PTPN1: variants seen among roughly 807,000 people sequenced by gnomAD.
The protein encoded by PTPN1 is protein tyrosine phosphatase non-receptor type 1, also known as tyrosine-protein phosphatase non-receptor type 1.
PTPN1 carries 12 observed loss-of-function variants against 59.9 expected under a neutral mutation model. The observed-to-expected ratio is 0.20, with a 90% CI of 0.13 to 0.32. The LOEUF (loss-of-function observed/expected upper bound fraction) is 0.32, where lower values mean the gene tolerates loss of function less well. Ranked by LOEUF, PTPN1 falls within the 10% of genes least tolerant of loss-of-function variation. The pLI is 1.00. For missense variants in PTPN1, 356 were observed against 549.2 expected (o/e 0.65, Z 3.52); for synonymous variants, 178 against 203.6 (o/e 0.87, Z 1.07).
intron 1 of PTPN1, among the ~76,000 whole-genome samples, chr20:50,543,919 C>T (rs767980472): frequency 5.9e-5 from 9 of 151,962 alleles, no homozygotes; most frequent in East Asian, 1.9e-4. Flanking sequence ...AATCTCGGCT[C>T]GCTACAACCT....
Position 50,583,928 on chromosome 20 carries a change from AAG to A in PTPN1, c.*1218_*1219del, listed in dbSNP as rs1466242125. 6.6e-6 allele frequency: 1 copy of A among 152,468 alleles called. No individual in the cohort carries two copies. The highest frequency in any genetic ancestry group is 2.4e-5 in the African/African-American group (1 of 41,402). 9.4% of individuals were successfully genotyped at this position (152,468 alleles called of 1,614,324 possible). ...TCTTCTTGAGCAGACCGTGATTTGGAAGAGAGGCACCTGCTGGAAACCACACT... is the reference window on the plus strand; with the variant it reads ...TCTTCTTGAGCAGACCGTGATTTGGAAGAGGCACCTGCTGGAAACCACACT... On this transcript the variant is annotated 3_prime_UTR_variant, in exon 10 of 10. Transcript: ENST00000371621.
intron 4 of PTPN1, among the ~76,000 whole-genome samples, chr20:50,570,317 TGGGGTTTTTTG>T (rs1199594774): frequency 6.6e-6 from 1 of 152,124 alleles, no homozygotes; most frequent in Non-Finnish European, 1.5e-5. Flanking sequence ...GTTTTGGGGT[TGGGGTTTTTTG>T]GGGGTTTTTT....
chr20:50,574,596 T>C lies in PTPN1; in HGVS notation c.434T>C (p.Ile145Thr), dbSNP rs2082826931. 2 of 1,607,802 alleles carry C rather than the reference T, an allele frequency of 1.2e-6. No individual in the cohort carries two copies. The highest frequency in any genetic ancestry group is 1.7e-6 in the Non-Finnish European group (2 of 1,178,050). ...GACACAAATTTGAAATTAACATTGA[T>C]CTCTGAAGATATCAAGTCATATTAT... The part of the protein sequence containing the change: ...FEDTNLKLTL[I>T]SEDIKSYYTV... Residue 145 changes from isoleucine (I) to threonine (T), a missense_variant, in exon 5 of 10, where the codon ATC becomes ACC. Coordinates refer to ENST00000371621, the MANE Select transcript of PTPN1 (RefSeq NM_002827.4).
chr20:50,518,652 T>C (rs2082538939), intron 1 of PTPN1, among the ~76,000 whole-genome samples: 1 of 152,166 alleles, frequency 6.6e-6, no homozygotes, highest in African/African-American at 2.4e-5. Context: ...ATTGTTTTGC[T>C]TTGTTGTTTT....
At chr20:50,524,157 T>A (rs1271008700) in intron 1 of PTPN1, among the ~76,000 whole-genome samples, 1 of 152,176 alleles carries the variant, frequency 6.6e-6, no homozygotes, top group Non-Finnish European at 1.5e-5. Context: ...GTGGAGGTTA[T>A]TCCATCATGG....
In PTPN1 at chr20:50,510,427, G is replaced by A. The variant is rs949141365; in HGVS notation, c.-101G>A. ...TAGGGCGGCGGTAGCTGCAGGGGTCGGGGATTGCAGCGGGCCTCGGGGCTA... is the reference window on the plus strand; with the variant it reads ...TAGGGCGGCGGTAGCTGCAGGGGTCAGGGATTGCAGCGGGCCTCGGGGCTA... On this transcript the variant is annotated 5_prime_UTR_variant, in exon 1 of 10. Coordinates refer to ENST00000371621, the MANE Select transcript of PTPN1 (RefSeq NM_002827.4). 7 of 1,327,044 alleles carry A rather than the reference G, an allele frequency of 5.3e-6. No individual in the cohort carries two copies. The highest frequency in any genetic ancestry group is 6.2e-6 in the Non-Finnish European group (6 of 967,226). 82.2% of individuals were successfully genotyped at this position (1,327,044 alleles called of 1,614,324 possible). A position where few individuals can be genotyped will look rare whatever the true frequency, so the allele number is the denominator to read the frequency against.
chr20:50,515,036 G>A (rs1292399206), intron 1 of PTPN1, among the ~76,000 whole-genome samples: 1 of 152,194 alleles, frequency 6.6e-6, no homozygotes, highest in Non-Finnish European at 1.5e-5. Context: ...AGAAATGAGT[G>A]AAGCCGGTTA....
chr20:50,579,921 C>T lies in PTPN1; in HGVS notation c.1083C>T (p.Ile361=), dbSNP rs370509709. ...CCTTAAATGCCGCACCCTACGGCAT[C>T]GAAAGGTAATATGATTGGGTCCCAG... is the stretch of plus-strand genomic sequence containing the variant. ...GSPLNAAPYG[I]ESMSQDTEVR... Residue 361 remains isoleucine (I), a synonymous_variant, in exon 8 of 10, where the codon ATC becomes ATT. Coordinates refer to ENST00000371621, the MANE Select transcript of PTPN1 (RefSeq NM_002827.4). 864 of 1,612,382 alleles carry T rather than the reference C, an allele frequency of 5.4e-4. No individual in the cohort carries two copies. The highest frequency in any genetic ancestry group is 6.8e-4 in the Non-Finnish European group (807 of 1,178,854).
intron 1 of PTPN1, among the ~76,000 whole-genome samples, chr20:50,538,221 A>AG (rs1411034208): frequency 8.4e-6 from 1 of 119,588 alleles, no homozygotes; most frequent in African/African-American, 4.0e-5. Context: ...TGTTGTAAAA[A>AG]GTTAAAAAAA....
chr20:50,580,221 C>A (rs184411000), intron 8 of PTPN1, among the ~76,000 whole-genome samples: 3 of 152,150 alleles, frequency 2.0e-5, no homozygotes, highest in Non-Finnish European at 4.4e-5. Context: ...TTTCTGCCCC[C>A]CCTGACGACA....
chr20:50,582,430 C>T lies in PTPN1; in HGVS notation c.1285-262C>T, dbSNP rs1051798503. Among the ~76,000 whole-genome samples, 13 of 152,222 alleles carry T rather than the reference C, an allele frequency of 8.5e-5. No individual in the cohort carries two copies. The highest frequency in any genetic ancestry group is 1.6e-4 in the Non-Finnish European group (11 of 68,034). On this transcript the variant is annotated intron_variant, in intron 9 of 9. Transcript: ENST00000371621. The surrounding 1 kb of genome is among the most constrained non-coding windows in gnomAD (Gnocchi z 4.2). ...AGAGCTCTGGCCATGGAAATGACCT[C>T]CTAAGACTTTTTCGTGGTTTTAAAT...
At chr20:50,577,768 GA>G in intron 5 of PTPN1, 1 of 152,526 alleles carries the variant, frequency 6.6e-6, no homozygotes, top group Non-Finnish European at 1.5e-5. Context: ...CTCCTCATCG[GA>G]AAATGGATGG....
intron 1 of PTPN1, among the ~76,000 whole-genome samples, chr20:50,526,087 ATG>A (rs140304351): frequency 6.1e-4 from 93 of 151,716 alleles, no homozygotes; most frequent in African/African-American, 1.2e-3. Flanking sequence ...CATAGGGTGT[ATG>A]TGTGTGTGTG....
At chr20:50,525,308 G>T (rs1266499442) in intron 1 of PTPN1, among the ~76,000 whole-genome samples, 1 of 151,456 alleles carries the variant, frequency 6.6e-6, no homozygotes. Flanking sequence ...CGATCCGCCC[G>T]CCTCGGCCTC....
intron 1 of PTPN1, among the ~76,000 whole-genome samples, chr20:50,522,563 C>A (rs2082555868): frequency 6.6e-6 from 1 of 152,188 alleles, no homozygotes; most frequent in Non-Finnish European, 1.5e-5. Context: ...CTTTTAGCAA[C>A]AAAAGTACAT....
intron 4 of PTPN1, among the ~76,000 whole-genome samples, chr20:50,569,589 CTGTCCATGTAAACTGTCCTGTGTAGAT>C (rs2082796958): frequency 1.4e-5 from 2 of 146,594 alleles, no homozygotes; most frequent in South Asian, 4.2e-4. Flanking sequence ...CCTGTGTAGA[CTGTCCATGTAAACTGTCCTGTGTAGAT>C]TGTCTGTGTA....
rs1336560020 is a variant in PTPN1 at position 50,583,483 on chromosome 20, C to T, written c.*768C>T. ...TAGATCTAGTTCTCAATCACTGCTCCCCCGTGTGTATTAGAATGCATGTAA... is the reference window on the plus strand; with the variant it reads ...TAGATCTAGTTCTCAATCACTGCTCTCCCGTGTGTATTAGAATGCATGTAA... On this transcript the variant is annotated 3_prime_UTR_variant, in exon 10 of 10. Coordinates refer to ENST00000371621, the MANE Select transcript of PTPN1 (RefSeq NM_002827.4). The T allele has an allele frequency of 6.6e-6, 1 of 152,180 alleles. No homozygotes were observed. The highest frequency in any genetic ancestry group is 1.5e-5 in the Non-Finnish European group (1 of 68,052). The allele number at this position is 152,180 out of a possible 1,614,324, so 9.4% of individuals were successfully genotyped here.
chr20:50,580,065 G>A (rs718053), intron 8 of PTPN1, 139 bp downstream of exon 8: 400,746 of 776,526 alleles, frequency 0.52, 105,635 homozygotes, highest in East Asian at 0.64. Context: ...AACAGGGCGC[G>A]TGGACCACAG....
intron 1 of PTPN1, among the ~76,000 whole-genome samples, chr20:50,522,057 A>G (rs1483909708): frequency 6.6e-6 from 1 of 152,226 alleles, no homozygotes; most frequent in African/African-American, 2.4e-5. Flanking sequence ...GTTAGATAAA[A>G]TTGAAGCAAA....
Sources: gnomAD v4.1 joint callset for allele counts (sites outside exome capture counted in the v4.1 genomes callset) on GRCh38, gnomAD v4.1.1 for gene constraint, Gnocchi (gnomAD v3.1) non-coding constraint, MANE v1.5 for transcripts, NCBI Gene and HGNC (gene_info 2026-07-23, HGNC 2026-07-21) for gene names.